Variants in DIAPH2 observed in about 807,000 individuals in gnomAD.
DIAPH2 encodes the protein diaphanous related formin 2.
DIAPH2 carries 35 observed loss-of-function variants against 92.7 expected under a neutral mutation model. The ratio of observed to expected loss-of-function variants is 0.38; its 90% confidence interval spans 0.29 to 0.50. The LOEUF (loss-of-function observed/expected upper bound fraction) is 0.50. Among genes scored for constraint, DIAPH2 ranks in the 20% least tolerant of loss-of-function variants. DIAPH2 has a pLI of 0.94. For synonymous variants in DIAPH2, 301 were observed against 280.4 expected, an observed-to-expected ratio of 1.07 and a Z score of -0.73; for missense variants, 701 against 819.5, an observed-to-expected ratio of 0.86 and a Z score of 1.77.
At chrX:97,473,151 C>T (rs1259564855) in intron 26 of DIAPH2, among the ~76,000 whole-genome samples, 1 of 111,184 alleles carries the variant, frequency 9.0e-6, no homozygotes, top group East Asian at 2.8e-4. Context: ...ATATTATTTG[C>T]CAATTTAAAA....
At chrX:96,914,161 T>C (rs1456132077) in intron 7 of DIAPH2, among the ~76,000 whole-genome samples, 1 of 111,002 alleles carries the variant, frequency 9.0e-6, no homozygotes, top group African/African-American at 3.3e-5. Context: ...AGAATGTTAC[T>C]GTATGAGCAT....
chrX:97,095,774 G>A (rs2066864161), intron 19 of DIAPH2, among the ~76,000 whole-genome samples: 1 of 112,003 alleles, frequency 8.9e-6, no homozygotes, highest in South Asian at 3.6e-4. Flanking sequence ...GTAAAAAGTA[G>A]TTAAAAGCGT....
chrX:97,005,670 G>T (rs6620213), intron 17 of DIAPH2, among the ~76,000 whole-genome samples: 44,282 of 109,513 alleles, frequency 0.4, 7,440 homozygotes, highest in East Asian at 0.68. Flanking sequence ...CTCCTGAGTA[G>T]CTGGGACTAC....
At chrX:97,257,957 TAAAAAAAAAAAAAAA>T (rs59772699) in intron 23 of DIAPH2, among the ~76,000 whole-genome samples, 1 of 92,391 alleles carries the variant, frequency 1.1e-5, no homozygotes. Context: ...GTTCTTTGTT[TAAAAAAAAAAAAAAA>T]AAAAAAAAGG....
chrX:97,184,289 A>G (rs2067563341), intron 22 of DIAPH2, among the ~76,000 whole-genome samples: 1 of 112,001 alleles, frequency 8.9e-6, no homozygotes, highest in African/African-American at 3.2e-5. Flanking sequence ...TGTGTTTTAT[A>G]TCATGTGGTT....
intron 20 of DIAPH2, among the ~76,000 whole-genome samples, chrX:97,102,809 G>A (rs773513053): frequency 1.5e-3 from 163 of 111,287 alleles, no homozygotes; most frequent in African/African-American, 5.0e-3. Context: ...GCATGGTGGC[G>A]CACGCCTGTA....
intron 24 of DIAPH2, among the ~76,000 whole-genome samples, chrX:97,365,222 A>G (rs760370725): frequency 4.7e-4 from 52 of 111,318 alleles, no homozygotes; most frequent in Admixed American, 9.6e-4. Flanking sequence ...AAAGAAAAAA[A>G]AATCTTACTT....
intron 4 of DIAPH2, among the ~76,000 whole-genome samples, chrX:96,776,953 G>A (rs1050361769): frequency 8.9e-6 from 1 of 112,125 alleles, no homozygotes; most frequent in African/African-American, 3.2e-5. Context: ...TTTGTCAGCT[G>A]TGTAGTTAAA....
At chrX:96,848,803 A>G (rs1235544097) in intron 4 of DIAPH2, among the ~76,000 whole-genome samples, 4 of 112,370 alleles carry the variant, frequency 3.6e-5, no homozygotes, top group African/African-American at 1.3e-4. Flanking sequence ...GGATCATGAT[A>G]AAATGCATTT....
chrX:97,428,479 AGATCAC>A (rs72341225), intron 25 of DIAPH2, among the ~76,000 whole-genome samples: 6,920 of 109,192 alleles, frequency 0.063, 249 homozygotes, highest in African/African-American at 0.13. Flanking sequence ...TGGTGAGCCA[AGATCAC>A]GATCACGCCA....
At chrX:97,542,690 A>G (rs1235591761) in intron 26 of DIAPH2, among the ~76,000 whole-genome samples, 1 of 111,369 alleles carries the variant, frequency 9.0e-6, no homozygotes, top group African/African-American at 3.3e-5. Flanking sequence ...CAGTGACACC[A>G]TGGCCAAGGG....
At chrX:96,911,992 TA>T (rs2065471372) in intron 5 of DIAPH2, among the ~76,000 whole-genome samples, 1 of 111,793 alleles carries the variant, frequency 8.9e-6, no homozygotes, top group Non-Finnish European at 1.9e-5. Context: ...ATTAATAAAG[TA>T]TCAAAGAGTG....
At chrX:97,520,600 T>A (rs2070984131) in intron 26 of DIAPH2, among the ~76,000 whole-genome samples, 1 of 112,213 alleles carries the variant, frequency 8.9e-6, no homozygotes, top group African/African-American at 3.2e-5. Context: ...TTCATCTACT[T>A]CCCAGAAAGA....
chrX:97,401,396 AT>A (rs2147749638), intron 25 of DIAPH2, among the ~76,000 whole-genome samples: 1 of 111,077 alleles, frequency 9.0e-6, no homozygotes, highest in East Asian at 2.8e-4. Context: ...GTTTCAAGTC[AT>A]AACCTCCTTG....
rs185396447 is a variant in DIAPH2, at chrX:97,546,249, T to G, written c.3242-53004T>G. Among the ~76,000 whole-genome samples the G allele has an allele frequency of 2.7e-5, 3 of 112,109 alleles. No homozygotes were observed. The Admixed American group carries it at 2.8e-4, about 11-fold the overall frequency. ...CTCAGTCTCTAAAAGCAAACTGTCC[T>G]ATTATTACCAGAGAGGTGCTAACTC... On this transcript the variant is annotated intron_variant, in intron 26 of 26. Transcript: ENST00000324765.
chrX:96,699,218 T>G (rs1045042984), intron 1 of DIAPH2, among the ~76,000 whole-genome samples: 3 of 112,342 alleles, frequency 2.7e-5, no homozygotes, highest in Non-Finnish European at 5.6e-5. Context: ...ATACTTCTTA[T>G]CAATTTTTAC....
intron 26 of DIAPH2, among the ~76,000 whole-genome samples, chrX:97,455,288 C>G (rs776262987): frequency 8.9e-6 from 1 of 112,095 alleles, no homozygotes; most frequent in South Asian, 3.7e-4. Flanking sequence ...GCTTCCTGTT[C>G]TAAGTGTCCA....
intron 26 of DIAPH2, among the ~76,000 whole-genome samples, chrX:97,557,041 G>T (rs368039283): frequency 8.9e-6 from 1 of 111,885 alleles, no homozygotes; most frequent in African/African-American, 3.3e-5. Flanking sequence ...ATTCATAGTT[G>T]TGAGTATGCA....
At chrX:96,820,366 G>A (rs761455154) in intron 4 of DIAPH2, among the ~76,000 whole-genome samples, 33 of 111,499 alleles carry the variant, frequency 3.0e-4, no homozygotes, top group African/African-American at 1.0e-3. Flanking sequence ...GCTACTTGGG[G>A]GACCGAGGTG....
Sources: allele counts gnomAD v4.1 joint callset (sites outside exome capture counted in the v4.1 genomes callset), GRCh38; gene constraint gnomAD v4.1.1; transcripts MANE v1.5; gene names NCBI Gene and HGNC (gene_info 2026-07-23, HGNC 2026-07-21).